TCOF1: variants seen among roughly 807,000 people sequenced by gnomAD.
The protein encoded by TCOF1 is treacle protein.
A neutral mutation model predicts 149.0 loss-of-function variants in TCOF1; 33 were observed. The observed-to-expected ratio is 0.22, with a 90% CI of 0.17 to 0.30. TCOF1 has a LOEUF of 0.30. TCOF1 is among the 10% of genes least tolerant of loss of function. The pLI, the probability that TCOF1 is intolerant of heterozygous loss-of-function variation, is 1.00. For synonymous variants in TCOF1, 789 were observed against 738.8 expected, an observed-to-expected ratio of 1.07 and a Z score of -1.10; for missense variants, 1,728 against 1,840.7, an observed-to-expected ratio of 0.94 and a Z score of 1.12.
At chr5:150,368,684 C>T in intron 4 of TCOF1, 32 bp from the exon 5 acceptor site, 2 of 1,613,422 alleles carry the variant, frequency 1.2e-6, no homozygotes, top group Admixed American at 1.7e-5. Context: ...CCATGCCATA[C>T]CAGATGTGTC....
intron 21 of TCOF1, 92 bp from the exon 22 acceptor site, chr5:150,392,613 T>TGCAGAG: frequency 7.7e-7 from 1 of 1,293,734 alleles, no homozygotes; most frequent in Non-Finnish European, 1.1e-6. Context: ...GTGAGGGACC[T>TGCAGAG]GCAGAGAGAC....
intron 24 of TCOF1, 93 bp from the exon 25 acceptor site, chr5:150,398,261 A>G (rs1768994630): frequency 6.3e-7 from 1 of 1,589,238 alleles, no homozygotes; most frequent in Non-Finnish European, 8.5e-7. Context: ...GTGTGGGGAA[A>G]GCTGGGAGCC....
At chr5:150,393,730 G>T in intron 23 of TCOF1, 178 bp downstream of exon 23, 1 of 833,180 alleles carries the variant, frequency 1.2e-6, no homozygotes, top group Non-Finnish European at 1.9e-6. Flanking sequence ...AAGTGCAGGT[G>T]GGGCCAGGTG....
At chr5:150,383,650 T>TC in intron 17 of TCOF1, 1 of 1,364,526 alleles carries the variant, frequency 7.3e-7, no homozygotes, top group African/African-American at 1.4e-5. Flanking sequence ...TGAAGCAGTT[T>TC]CCCCAAATTC....
At position 150,391,697 on chromosome 5, in the gene TCOF1, T is replaced by C. The variant is rs747126483; in HGVS notation, c.3297+40T>C. The C allele has an allele frequency of 2.5e-6, 4 of 1,579,332 alleles. No homozygotes were observed. The South Asian group carries it at 4.5e-5, about 18-fold the overall frequency. On this transcript the variant is annotated intron_variant, in intron 20 of 26. Transcript: ENST00000643257. ...CCAGGGGAAGCAAGCCCACGGAGCG[T>C]AGAAGGTGCAGGCGTGGCCCTGCAT...
At chr5:150,398,798 G>A (rs1387852396) in intron 25 of TCOF1, among the ~76,000 whole-genome samples, 1 of 152,218 alleles carries the variant, frequency 6.6e-6, no homozygotes, top group Non-Finnish European at 1.5e-5. Flanking sequence ...CTGTCCTCAC[G>A]GCGCGGGGCC....
rs1291218225 is a variant in TCOF1, at chr5:150,394,884, TC to T, written c.3784+1334del. On this transcript the variant is annotated intron_variant, in intron 23 of 26. Transcript: ENST00000643257. ...GTGAGCCGAGATTGCACCACCGCAC[TC>T]CAGCCTGGGCAACAGAGCAAAACTC... 4 of 121,388 alleles carry T rather than the reference TC, an allele frequency of 3.3e-5. No individual in the cohort carries two copies. The Admixed American group carries it at 4.5e-4, about 14-fold the overall frequency. 7.5% of individuals were successfully genotyped at this position (121,388 alleles called of 1,614,324 possible). A position where few individuals can be genotyped will look rare whatever the true frequency, so the allele number is the denominator to read the frequency against.
At chr5:150,361,306 C>T (rs1045371515) in intron 2 of TCOF1, 95 bp downstream of exon 2, 3 of 1,435,244 alleles carry the variant, frequency 2.1e-6, no homozygotes, top group Non-Finnish European at 2.9e-6. Context: ...TAAGATCTGT[C>T]CCCATAGCCC....
In TCOF1 at chr5:150,379,297, T is replaced by G; in HGVS notation, c.2547T>G (p.Ser849=). ...VLARGPASVP[S]VGKAVATAAQ... ...CGAGGGGCCCAGCATCTGTGCCATC[T>G]GTGGGGAAGGCCGTGGCTACAGCAG... Residue 849 remains serine, a synonymous_variant, in exon 16 of 27, where the codon TCT becomes TCG. Transcript: ENST00000643257. 1 of 1,614,202 alleles carries G rather than the reference T, an allele frequency of 6.2e-7. No individual in the cohort carries two copies. Among genetic ancestry groups the G allele is most frequent in the East Asian group, 2.2e-5 (1 of 44,886 alleles).
At chr5:150,380,823 A>G (rs1006246760) in intron 17 of TCOF1, 7 of 152,340 alleles carry the variant, frequency 4.6e-5, no homozygotes, top group African/African-American at 1.4e-4. Flanking sequence ...CCTGGCCAAC[A>G]TGGTGAAACC....
At position 150,378,953 on chromosome 5, in the gene TCOF1, G is replaced by A. The variant is rs757336927; in HGVS notation, c.2389G>A (p.Ala797Thr). 2.7e-5 allele frequency: 44 copies of A among 1,613,946 alleles called. No homozygotes were observed. Among genetic ancestry groups the A allele is most frequent in the African/African-American group, 1.2e-4 (9 of 74,864 alleles). The change falls in exon 15 of 27, where the codon GCC (alanine) becomes ACC (threonine). Residue 797 changes from alanine (A) to threonine (T), a missense_variant. This residue lies in a region of TCOF1 where 1,696 missense variants were observed against 1,765.4 expected (regional missense o/e 0.96). Transcript: ENST00000643257. ...CCAGGCCAAAGCCAACCCAGCTGCC[G>A]CCAGAGCACCTTCAGCAAAAGGGAC... ...KTQAKANPAAARAPSAKGTIS... is the reference protein window; with the variant it reads ...KTQAKANPAATRAPSAKGTIS...
rs1480437700 is a variant in TCOF1 at position 150,399,016 on chromosome 5, T to G, written c.4444-6T>G. 1 of 1,614,214 alleles carries G rather than the reference T, an allele frequency of 6.2e-7. No individual in the cohort carries two copies. Among genetic ancestry groups the G allele is most frequent in the Non-Finnish European group, 8.5e-7 (1 of 1,180,040 alleles). On this transcript the variant is annotated splice_region_variant and splice_polypyrimidine_tract_variant and intron_variant, in intron 25 of 26. Transcript: ENST00000643257. ...CTGAGAGCCTCTCGTACTTCCCTCC[T>G]CACAGAAGAAGACAGCAGAGCAGAC... is the stretch of plus-strand genomic sequence containing the variant.
In TCOF1 at chr5:150,366,908, C is replaced by T. The variant is rs1425730954; in HGVS notation, c.305-936C>T. Among the ~76,000 whole-genome samples, 2 of 13,862 alleles carry T rather than the reference C, an allele frequency of 1.4e-4. 1 individual carries two copies. The highest frequency in any genetic ancestry group is 2.6e-4 in the Non-Finnish European group (2 of 7,556). The allele number at this position is 13,862 out of a possible 152,430, so 9.1% of individuals were successfully genotyped here. On this transcript the variant is annotated intron_variant, in intron 3 of 26. Transcript: ENST00000643257. ...TGACCTCATGATCCACCCGCCTCGG[C>T]CTCCCAAAGTGCTGGGATTACAGGC...
At chr5:150,364,404 C>T in intron 3 of TCOF1, 152 bp downstream of exon 3, 1 of 1,225,986 alleles carries the variant, frequency 8.2e-7, no homozygotes, top group Non-Finnish European at 1.1e-6. Context: ...AGTATTTGAG[C>T]CCTTCCTCCG....
rs1293711638 is a variant in TCOF1 at position 150,374,363 on chromosome 5, C to G, written c.1060C>G (p.Pro354Ala). 6.4e-7 allele frequency: 1 copy of G among 1,556,884 alleles called. No homozygotes were observed. The highest frequency in any genetic ancestry group is 1.9e-5 in the Admixed American group (1 of 51,404). The change falls in exon 8 of 27, where the codon CCA (proline) becomes GCA (alanine). Residue 354 changes from proline (P) to alanine (A), a missense_variant. Pro to Ala is a conservative substitution (Grantham distance 27). This residue lies in a region of TCOF1 where 1,696 missense variants were observed against 1,765.4 expected (regional missense o/e 0.96). Coordinates refer to ENST00000643257, the MANE Select transcript of TCOF1 (RefSeq NM_001371623.1). Reference sequence around the variant, plus strand: ...GTCATCTGACAGTGAGGAGGAGACGCCAGCTGCCAAGGCCCTGCTTCAGGT... The same window carrying G: ...GTCATCTGACAGTGAGGAGGAGACGGCAGCTGCCAAGGCCCTGCTTCAGGT... ...EESSDSEEET[P>A]AAKALLQAKA...
chr5:150,374,451 G>A, intron 8 of TCOF1, 65 bp downstream of exon 8: 5 of 1,549,232 alleles, frequency 3.2e-6, no homozygotes, highest in Middle Eastern at 2.2e-4. Flanking sequence ...CTCAGGACTT[G>A]TTCTCCCACT....
At chr5:150,378,771 G>A in intron 14 of TCOF1, 134 bp from the exon 15 acceptor site, 1 of 1,260,866 alleles carries the variant, frequency 7.9e-7, no homozygotes, top group Non-Finnish European at 1.2e-6. Flanking sequence ...CAAGTGATGA[G>A]CTCAGGTTCA....
At chr5:150,368,392 T>C (rs1193024120) in intron 4 of TCOF1, 1 of 415,652 alleles carries the variant, frequency 2.4e-6, no homozygotes, top group East Asian at 5.0e-5. Flanking sequence ...GTATAAAGAA[T>C]TGTGCCTCTG....
intron 2 of TCOF1, among the ~76,000 whole-genome samples, chr5:150,361,778 TAG>T (rs1321348890): frequency 1.3e-5 from 2 of 151,842 alleles, no homozygotes; most frequent in Non-Finnish European, 2.9e-5. Context: ...ATGCAGTGGG[TAG>T]AGAGTGGCAG....
Sources: gnomAD v4.1 joint callset for allele counts (sites outside exome capture counted in the v4.1 genomes callset) on GRCh38, gnomAD v4.1.1 for gene constraint, gnomAD v4.1.1 regional missense constraint, MANE v1.5 for transcripts, NCBI Gene and HGNC (gene_info 2026-07-23, HGNC 2026-07-21) for gene names.